The following WDPCP variants were observed in gnomAD, a reference collection of about 807,000 sequenced individuals.
WDPCP encodes WD repeat containing planar cell polarity effector, also known as WD repeat-containing and planar cell polarity effector protein fritz homolog.
In WDPCP, 71 loss-of-function variants were observed where a neutral mutation model predicts 93.1. That is an observed-to-expected ratio of 0.76 (90% CI 0.63 to 0.93). The LOEUF (loss-of-function observed/expected upper bound fraction) is 0.93. Ranked by LOEUF, WDPCP falls within the 40% of genes least tolerant of loss-of-function variation. The pLI is 0.00. For missense variants in WDPCP, 844 were observed against 887.4 expected, an observed-to-expected ratio of 0.95 and a Z score of 0.62; for synonymous variants, 315 against 315.0, an observed-to-expected ratio of 1.00 and a Z score of 0.00.
chr2:63,597,272 T>C, intron 3 of WDPCP: 1 of 1,243,760 alleles, frequency 8.0e-7, no homozygotes, highest in Non-Finnish European at 1.0e-6. Flanking sequence ...GCTCCTGAAA[T>C]GTATATCAGT....
At chr2:63,267,817 A>G (rs1318449586) in intron 13 of WDPCP, among the ~76,000 whole-genome samples, 1 of 152,208 alleles carries the variant, frequency 6.6e-6, no homozygotes, top group African/African-American at 2.4e-5. Context: ...TCAAAAAAGA[A>G]AAAAAGAACA....
intron 10 of WDPCP, among the ~76,000 whole-genome samples, chr2:63,391,137 C>T (rs1293513531): frequency 6.6e-6 from 1 of 152,140 alleles, no homozygotes; most frequent in African/African-American, 2.4e-5. Context: ...AGCAAAAATC[C>T]TCAATAAAAC....
chr2:63,397,349 G>T (rs1169318114), intron 10 of WDPCP, among the ~76,000 whole-genome samples: 5 of 152,068 alleles, frequency 3.3e-5, no homozygotes, highest in Admixed American at 1.3e-4. Context: ...GGAAAAGCAG[G>T]TCTGGAGAGA....
chr2:63,214,631 G>C (rs756439967), intron 14 of WDPCP, among the ~76,000 whole-genome samples: 4 of 152,138 alleles, frequency 2.6e-5, no homozygotes, highest in African/African-American at 4.8e-5. Context: ...AGGGCAGTCA[G>C]GCAAAAGAAG....
chr2:63,502,768 A>G (rs1701632999), intron 1 of WDPCP, among the ~76,000 whole-genome samples: 1 of 151,734 alleles, frequency 6.6e-6, no homozygotes, highest in Non-Finnish European at 1.5e-5. Flanking sequence ...AAGAGAATGT[A>G]GAATCTGATT....
At position 63,174,817 on chromosome 2, in the gene WDPCP, A is replaced by C; in HGVS notation, c.1931T>G (p.Leu644Trp). 1 of 1,613,904 alleles carries C rather than the reference A, an allele frequency of 6.2e-7. No homozygotes were observed. Among genetic ancestry groups the C allele is most frequent in the African/African-American group, 1.3e-5 (1 of 75,024 alleles). ...ITSGVELLGP[L>W]DRGDMLNEAF... ...TTCATTTAGCATATCCCCTCTGTCCAAGGGTCCCAGGAGTTCTGTTGAAAA... is the reference window on the plus strand; with the variant it reads ...TTCATTTAGCATATCCCCTCTGTCCCAGGGTCCCAGGAGTTCTGTTGAAAA... Residue 644 changes from leucine to tryptophan, a missense_variant, in exon 15 of 18, where the codon TTG becomes TGG. Coordinates refer to ENST00000272321, the MANE Select transcript of WDPCP (RefSeq NM_015910.7).
intron 13 of WDPCP, among the ~76,000 whole-genome samples, chr2:63,302,382 G>A (rs1685398202): frequency 6.6e-6 from 1 of 152,186 alleles, no homozygotes; most frequent in Non-Finnish European, 1.5e-5. Flanking sequence ...CAGTAGGATA[G>A]GAAATACCTG....
chr2:63,637,223 C>T (rs1008956061), intron 3 of WDPCP, among the ~76,000 whole-genome samples: 19 of 151,752 alleles, frequency 1.3e-4, no homozygotes. Flanking sequence ...CATGGTGGCA[C>T]GTGCCTTTAA....
chr2:63,282,921 CACTT>C (rs1313214076), intron 13 of WDPCP, among the ~76,000 whole-genome samples: 1 of 152,160 alleles, frequency 6.6e-6, no homozygotes, highest in Non-Finnish European at 1.5e-5. Context: ...TTACTTATAA[CACTT>C]ACTATAATTC....
chr2:63,698,128 G>T (rs1172561289), intron 2 of WDPCP, among the ~76,000 whole-genome samples: 1 of 151,570 alleles, frequency 6.6e-6, no homozygotes, highest in African/African-American at 2.4e-5. Flanking sequence ...GCTAATTTTT[G>T]TATTTTTATT....
Position 63,256,133 on chromosome 2 carries a change from T to C in WDPCP, c.1915+3174A>G, listed in dbSNP as rs755221239. 1.3e-5 allele frequency among the ~76,000 whole-genome samples: 2 copies of C among 152,174 alleles called. 1 individual carries two copies. The highest frequency in any genetic ancestry group is 2.9e-5 in the Non-Finnish European group (2 of 68,022). On this transcript the variant is annotated intron_variant, in intron 14 of 17. Transcript: ENST00000272321. ...TGTATCTATGAATTAAATGAGATTC[T>C]AACCAGAATTTCAGCCCCCACTGTT...
chr2:63,782,311 A>G (rs964210711), intron 2 of WDPCP, among the ~76,000 whole-genome samples: 3 of 152,186 alleles, frequency 2.0e-5, no homozygotes, highest in Non-Finnish European at 1.5e-5. Flanking sequence ...AAAATAGACA[A>G]ATGGGATTTA....
At chr2:63,273,533 G>A (rs1682823304) in intron 13 of WDPCP, among the ~76,000 whole-genome samples, 1 of 151,338 alleles carries the variant, frequency 6.6e-6, no homozygotes, top group Non-Finnish European at 1.5e-5. Flanking sequence ...GATACAGACA[G>A]CTTGAATGTA....
chr2:63,151,452 T>C (rs1422137204), intron 17 of WDPCP, among the ~76,000 whole-genome samples: 1 of 152,224 alleles, frequency 6.6e-6, no homozygotes, highest in Non-Finnish European at 1.5e-5. Context: ...CTCGAACTCC[T>C]GGGCTTATGC....
chr2:63,651,156 G>A (rs536208470), intron 2 of WDPCP, among the ~76,000 whole-genome samples: 2 of 152,192 alleles, frequency 1.3e-5, no homozygotes, highest in Non-Finnish European at 2.9e-5. Context: ...TGTCAGCCTG[G>A]ACTGCTCATC....
intron 17 of WDPCP, among the ~76,000 whole-genome samples, chr2:63,149,680 T>C (rs1001320075): frequency 6.6e-6 from 1 of 152,320 alleles, no homozygotes; most frequent in Non-Finnish European, 1.5e-5. Context: ...CATCTACATA[T>C]GTCAGCATGG....
chr2:63,313,941 G>C (rs1166367276), intron 12 of WDPCP, among the ~76,000 whole-genome samples: 1 of 136,082 alleles, frequency 7.3e-6, no homozygotes, highest in Non-Finnish European at 1.6e-5. Context: ...GAGTGCAGGG[G>C]CATGATCTCG....
intron 3 of WDPCP, among the ~76,000 whole-genome samples, chr2:63,630,614 A>C (rs149185528): frequency 6.6e-6 from 1 of 152,334 alleles, no homozygotes; most frequent in East Asian, 1.9e-4. Context: ...ACAGAGATGC[A>C]AAATATGTGA....
chr2:63,333,528 C>T (rs912522775), intron 12 of WDPCP, among the ~76,000 whole-genome samples: 1 of 152,190 alleles, frequency 6.6e-6, no homozygotes, highest in African/African-American at 2.4e-5. Flanking sequence ...TTCCGCTACA[C>T]AATAAAACTT....
Sources: gnomAD v4.1 joint callset for allele counts (sites outside exome capture counted in the v4.1 genomes callset) on GRCh38, gnomAD v4.1.1 for gene constraint, MANE v1.5 for transcripts, NCBI Gene and HGNC (gene_info 2026-07-23, HGNC 2026-07-21) for gene names.